Variants in DMD observed in about 807,000 individuals in gnomAD.
DMD encodes the protein mutant dystrophin.
A neutral mutation model predicts 330.1 loss-of-function variants in DMD; 63 were observed. The observed-to-expected ratio is 0.19, with a 90% confidence interval of 0.16 to 0.24. The LOEUF (loss-of-function observed/expected upper bound fraction) is 0.24. Ranked by LOEUF, DMD falls within the 10% of genes least tolerant of loss-of-function variation. DMD has a pLI of 1.00. For synonymous variants in DMD, 1,223 were observed against 959.8 expected, an observed-to-expected ratio of 1.27 and a Z score of -5.07; for missense variants, 3,344 against 2,684.1, an observed-to-expected ratio of 1.25 and a Z score of -5.43.
intron 2 of DMD, among the ~76,000 whole-genome samples, chrX:32,925,164 T>TTG (rs1282029411): frequency 6.1e-5 from 6 of 98,898 alleles, no homozygotes; most frequent in Non-Finnish European, 1.2e-4. Flanking sequence ...TTTTTTTTTT[T>TTG]TTTTTTTTTT....
intron 44 of DMD, among the ~76,000 whole-genome samples, chrX:31,997,423 T>G (rs1163329114): frequency 2.1e-5 from 2 of 93,708 alleles, no homozygotes; most frequent in Non-Finnish European, 4.1e-5. Context: ...TCTCTATTTT[T>G]TTTTGTTTTT....
At chrX:32,517,077 A>T (rs2045930747) in intron 18 of DMD, 1 of 111,547 alleles carries the variant, frequency 9.0e-6, no homozygotes, top group South Asian at 3.7e-4. Flanking sequence ...AACAGCAAAC[A>T]TTAGCTTGTA....
At chrX:32,910,843 T>C (rs180845957) in intron 2 of DMD, among the ~76,000 whole-genome samples, 6 of 112,315 alleles carry the variant, frequency 5.3e-5, no homozygotes, top group Non-Finnish European at 7.5e-5. Context: ...ACTTGCTTTC[T>C]CTCAAGTAGT....
intron 4 of DMD, among the ~76,000 whole-genome samples, chrX:32,827,270 G>T (rs900527743): frequency 9.0e-6 from 1 of 110,886 alleles, no homozygotes; most frequent in Non-Finnish European, 1.9e-5. Flanking sequence ...ACTCAGTATT[G>T]ATTAAATCTG....
At chrX:32,580,786 T>C (rs776513418) in intron 13 of DMD, among the ~76,000 whole-genome samples, 1 of 111,867 alleles carries the variant, frequency 8.9e-6, no homozygotes, top group South Asian at 3.8e-4. Context: ...AATTTTTACC[T>C]TTACAATTTT....
At chrX:31,613,888 A>G (rs1242097453) in intron 55 of DMD, among the ~76,000 whole-genome samples, 2 of 112,004 alleles carry the variant, frequency 1.8e-5, no homozygotes, top group African/African-American at 6.5e-5. Context: ...ATCCATTCAA[A>G]AAGTACATTT....
chrX:32,283,742 A>G (rs2097429135), intron 43 of DMD, among the ~76,000 whole-genome samples: 2 of 111,441 alleles, frequency 1.8e-5, no homozygotes, highest in African/African-American at 6.5e-5. Context: ...TAAACACAAC[A>G]TGTCCATCCA....
intron 44 of DMD, among the ~76,000 whole-genome samples, chrX:32,019,976 A>G (rs997315553): frequency 2.7e-5 from 3 of 112,488 alleles, no homozygotes; most frequent in Admixed American, 9.4e-5. Context: ...TTTTTTGCAA[A>G]TGTTCATTTT....
chrX:31,698,597 C>T (rs889853115), intron 52 of DMD, among the ~76,000 whole-genome samples: 1 of 112,101 alleles, frequency 8.9e-6, no homozygotes, highest in Non-Finnish European at 1.9e-5. Context: ...AAACAGGGTT[C>T]TGTGGAAGAC....
At chrX:32,612,113 G>A (rs776433019) in intron 12 of DMD, among the ~76,000 whole-genome samples, 3 of 111,440 alleles carry the variant, frequency 2.7e-5, no homozygotes, top group Admixed American at 9.5e-5. Flanking sequence ...AGAGCACGGG[G>A]ACGTTCAGGA....
chrX:31,845,076 G>GTATATATATGTATATGTGTGTA (rs2093393047), intron 48 of DMD, among the ~76,000 whole-genome samples: 2 of 105,981 alleles, frequency 1.9e-5, no homozygotes, highest in African/African-American at 3.5e-5. Context: ...GTATATGTGT[G>GTATATATATGTATATGTGTGTA]TATATATATG....
chrX:32,708,154 AAATTT>A (rs1419710617), intron 7 of DMD, among the ~76,000 whole-genome samples: 1 of 111,997 alleles, frequency 8.9e-6, no homozygotes, highest in Admixed American at 9.5e-5. Context: ...CATGTGACAT[AAATTT>A]AATTGGTTAT....
intron 44 of DMD, among the ~76,000 whole-genome samples, chrX:32,030,702 A>G (rs980166394): frequency 8.0e-5 from 9 of 112,030 alleles, no homozygotes; most frequent in African/African-American, 2.9e-4. Context: ...TGAGGATCAT[A>G]ATACCTTATA....
intron 55 of DMD, among the ~76,000 whole-genome samples, chrX:31,569,641 T>TATATATAC (rs771071830): frequency 0.011 from 913 of 82,748 alleles, 26 homozygotes; most frequent in African/African-American, 0.034. Flanking sequence ...CGTATATATA[T>TATATATAC]GTATATACGT....
rs994652247 is a variant in DMD, at chrX:33,083,166, C to T, written c.32-62966G>A. Among the ~76,000 whole-genome samples, 3 of 111,803 alleles carry T rather than the reference C, an allele frequency of 2.7e-5. No individual in the cohort carries two copies. The East Asian group carries it at 8.5e-4, about 32-fold the overall frequency. ...TCCAGAAGAACGGAGTGGCGTCTTACGACCCTGCTTGCTTGTGCTATAGCT... is the reference window on the plus strand; with the variant it reads ...TCCAGAAGAACGGAGTGGCGTCTTATGACCCTGCTTGCTTGTGCTATAGCT... On this transcript the variant is annotated intron_variant, in intron 1 of 78. Coordinates refer to ENST00000357033, the MANE Select transcript of DMD (RefSeq NM_004006.3).
chrX:32,594,790 C>A (rs1297587754), intron 13 of DMD, among the ~76,000 whole-genome samples: 2 of 111,726 alleles, frequency 1.8e-5, no homozygotes, highest in Non-Finnish European at 3.8e-5. Flanking sequence ...ATATCACTTG[C>A]AAAGAACCTA....
chrX:31,392,392 G>T (rs1329612546), intron 60 of DMD, among the ~76,000 whole-genome samples: 1 of 112,375 alleles, frequency 8.9e-6, no homozygotes, highest in Admixed American at 9.4e-5. Flanking sequence ...ATAAACGATG[G>T]TTGCTTACAT....
At chrX:33,214,724 C>T (rs1025941188), upstream of DMD, among the ~76,000 whole-genome samples, 6 of 111,902 alleles carry the variant, frequency 5.4e-5, no homozygotes, top group African/African-American at 1.9e-4. Context: ...CACAATCATA[C>T]CTCGTTATAG....
intron 29 of DMD, among the ~76,000 whole-genome samples, chrX:32,413,300 T>C (rs1245138607): frequency 9.0e-6 from 1 of 111,256 alleles, no homozygotes; most frequent in Non-Finnish European, 1.9e-5. Flanking sequence ...TATACTCTTC[T>C]CACCTACTTC....
Sources: allele counts gnomAD v4.1 joint callset (sites outside exome capture counted in the v4.1 genomes callset), GRCh38; gene constraint gnomAD v4.1.1; transcripts MANE v1.5; gene names NCBI Gene and HGNC (gene_info 2026-07-23, HGNC 2026-07-21).